Variants in SLC39A8 observed in about 807,000 individuals in gnomAD.
SLC39A8 encodes solute carrier family 39 member 8.
Under a neutral mutation model 40.4 loss-of-function variants are expected in SLC39A8, and 15 were observed. The observed-to-expected ratio is 0.37, with a 90% confidence interval of 0.25 to 0.57. The LOEUF is 0.57. SLC39A8 is among the 20% of genes least tolerant of loss of function. The pLI, the probability that SLC39A8 is intolerant of heterozygous loss-of-function variation, is 0.75. For synonymous variants in SLC39A8, 223 were observed against 221.6 expected (o/e 1.01, Z -0.06); for missense variants, 472 against 558.8 (o/e 0.84, Z 1.57).
At chr4:102,315,088 C>T (rs1734598656) in intron 3 of SLC39A8, among the ~76,000 whole-genome samples, 1 of 152,070 alleles carries the variant, frequency 6.6e-6, no homozygotes, top group African/African-American at 2.4e-5. Context: ...GTATATTAAG[C>T]ATACATATAT....
intron 6 of SLC39A8, among the ~76,000 whole-genome samples, chr4:102,299,446 A>G (rs1159409719): frequency 1.3e-5 from 2 of 151,968 alleles, no homozygotes; most frequent in African/African-American, 4.8e-5. Flanking sequence ...CTGGGTCCTC[A>G]TCTCCTCTCC....
At chr4:102,272,715 G>A (rs1209817953) in intron 6 of SLC39A8, among the ~76,000 whole-genome samples, 2 of 152,116 alleles carry the variant, frequency 1.3e-5, no homozygotes, top group South Asian at 2.1e-4. Context: ...CCAGACCAAC[G>A]CAGAAGGTAG....
chr4:102,258,556 A>T (rs538396199), downstream of SLC39A8, among the ~76,000 whole-genome samples: 46 of 152,300 alleles, frequency 3.0e-4, no homozygotes, highest in African/African-American at 1.0e-3. Context: ...CAAAGGTAAG[A>T]CTTCTGGGAA....
chr4:102,341,567 T>C (rs935759435), intron 2 of SLC39A8, among the ~76,000 whole-genome samples: 1 of 152,166 alleles, frequency 6.6e-6, no homozygotes, highest in African/African-American at 2.4e-5. Context: ...AGAGACCTAT[T>C]TGGCTAAAAG....
At position 102,315,979 on chromosome 4, in the gene SLC39A8, T is replaced by C. The variant is rs527729818; in HGVS notation, c.220-149A>G. 1.2e-5 allele frequency: 7 copies of C among 568,046 alleles called. 1 individual carries two copies. Among genetic ancestry groups the C allele is most frequent in the Middle Eastern group, 9.8e-4 (2 of 2,040 alleles). 35.2% of individuals were successfully genotyped at this position (568,046 alleles called of 1,614,324 possible). ...CACAGAAATTGAAAGGCCCCTAAAGTTGTAAAACAGCCCACACCAGTTTAA... is the reference window on the plus strand; with the variant it reads ...CACAGAAATTGAAAGGCCCCTAAAGCTGTAAAACAGCCCACACCAGTTTAA... On this transcript the variant is annotated intron_variant, in intron 2 of 8. Coordinates refer to ENST00000356736, the MANE Select transcript of SLC39A8 (RefSeq NM_001135146.2).
chr4:102,319,982 T>C (rs1189077986), intron 2 of SLC39A8, among the ~76,000 whole-genome samples: 1 of 151,332 alleles, frequency 6.6e-6, no homozygotes, highest in Non-Finnish European at 1.5e-5. Flanking sequence ...GGTCATTTGA[T>C]TTCAGTTTCT....
intron 6 of SLC39A8, among the ~76,000 whole-genome samples, chr4:102,296,210 A>G (rs1263446374): frequency 1.3e-5 from 2 of 152,136 alleles, no homozygotes; most frequent in African/African-American, 4.8e-5. Context: ...TTTAAGGTAG[A>G]TAAGAAAAAT....
At chr4:102,286,083 T>C (rs545575544) in intron 6 of SLC39A8, among the ~76,000 whole-genome samples, 4 of 152,114 alleles carry the variant, frequency 2.6e-5, no homozygotes, top group Non-Finnish European at 5.9e-5. Context: ...CCAACAATTA[T>C]GAAATGGACA....
intron 7 of SLC39A8, 26 bp downstream of exon 7, chr4:102,267,846 T>A: frequency 6.2e-7 from 1 of 1,610,356 alleles, no homozygotes. Context: ...TAAGCAGACT[T>A]TTACAATATG....
intron 6 of SLC39A8, among the ~76,000 whole-genome samples, chr4:102,293,338 C>A (rs191535159): frequency 6.6e-6 from 1 of 152,052 alleles, no homozygotes; most frequent in African/African-American, 2.4e-5. Context: ...GGAAACAAGA[C>A]AAATTACCAA....
downstream of SLC39A8, chr4:102,259,394 C>T: frequency 8.6e-7 from 1 of 1,161,764 alleles, no homozygotes; most frequent in Non-Finnish European, 1.3e-6. Flanking sequence ...GGAATTAAGC[C>T]ATTGTATAAA....
chr4:102,275,448 T>C (rs1450419823), intron 6 of SLC39A8, among the ~76,000 whole-genome samples: 1 of 152,076 alleles, frequency 6.6e-6, no homozygotes, highest in Non-Finnish European at 1.5e-5. Context: ...TAAATATATA[T>C]ATGCACCCAA....
At chr4:102,294,024 G>A (rs948221893) in intron 6 of SLC39A8, among the ~76,000 whole-genome samples, 7 of 151,702 alleles carry the variant, frequency 4.6e-5, no homozygotes, top group South Asian at 2.1e-4. Flanking sequence ...CAAAAGAAGC[G>A]AGGATAACTG....
intron 4 of SLC39A8, among the ~76,000 whole-genome samples, chr4:102,305,597 T>C (rs777560614): frequency 2.6e-5 from 4 of 152,008 alleles, no homozygotes; most frequent in Non-Finnish European, 5.9e-5. Context: ...AGAGAAATCC[T>C]CTTATACCTA....
rs1732154169 is a variant in SLC39A8, at chr4:102,267,531, G to A, written c.1192C>T (p.Leu398Phe). The A allele has an allele frequency of 6.2e-7, 1 of 1,613,512 alleles. No homozygotes were observed. The highest frequency in any genetic ancestry group is 1.3e-5 in the African/African-American group (1 of 74,904). The change falls in exon 8 of 9, where the codon CTT (leucine) becomes TTT (phenylalanine). Residue 398 changes from leucine to phenylalanine, a missense_variant. Physicochemically the swap from Leu to Phe is conservative, Grantham distance 22. Coordinates refer to ENST00000356736, the MANE Select transcript of SLC39A8 (RefSeq NM_001135146.2). ...NNFAPNIIFA[L>F]AGGMFLYISL... ...ATATAGAGGAACATGCCTCCAGCAA[G>A]TGCAAATATAATATTTGGAGCGAAA... is the stretch of plus-strand genomic sequence containing the variant.
chr4:102,269,883 G>A (rs989532310), intron 6 of SLC39A8: 3 of 152,126 alleles, frequency 2.0e-5, no homozygotes, highest in South Asian at 2.1e-4. Context: ...TTCTTAAAAT[G>A]TGGGCTTTTT....
intron 6 of SLC39A8, among the ~76,000 whole-genome samples, chr4:102,273,310 A>G (rs1257318950): frequency 6.6e-6 from 1 of 152,164 alleles, no homozygotes; most frequent in East Asian, 1.9e-4. Context: ...TTCCCTTCAT[A>G]ATGTAAACAA....
At chr4:102,312,218 C>G (rs1245042988) in intron 3 of SLC39A8, among the ~76,000 whole-genome samples, 1 of 152,062 alleles carries the variant, frequency 6.6e-6, no homozygotes, top group Non-Finnish European at 1.5e-5. Flanking sequence ...TGAGTAGTAA[C>G]AAGCACTCTA....
intron 6 of SLC39A8, among the ~76,000 whole-genome samples, chr4:102,275,180 G>A (rs969117702): frequency 3.3e-5 from 5 of 152,100 alleles, no homozygotes; most frequent in Middle Eastern, 6.8e-3. Flanking sequence ...AGTCAAGACC[G>A]ATCAGTGTGC....
Sources: gnomAD v4.1 joint callset for allele counts (sites outside exome capture counted in the v4.1 genomes callset) on GRCh38, gnomAD v4.1.1 for gene constraint, MANE v1.5 for transcripts, NCBI Gene and HGNC (gene_info 2026-07-23, HGNC 2026-07-21) for gene names.